SIGLEC6: variants seen among roughly 807,000 people sequenced by gnomAD.
SIGLEC6 encodes sialic acid binding Ig like lectin 6.
A neutral mutation model predicts 41.4 loss-of-function variants in SIGLEC6; 31 were observed. That is an observed-to-expected ratio of 0.75 (90% CI 0.56 to 1.01). SIGLEC6 has a LOEUF of 1.01. Ranked by LOEUF, SIGLEC6 falls within the 50% of genes least tolerant of loss-of-function variation. SIGLEC6 has a pLI of 0.00. For missense variants in SIGLEC6, 555 were observed against 558.6 expected, an observed-to-expected ratio of 0.99 and a Z score of 0.06; for synonymous variants, 217 against 231.0, an observed-to-expected ratio of 0.94 and a Z score of 0.55.
chr19:51,525,860 C>G (rs1427203118), intron 7 of SIGLEC6, among the ~76,000 whole-genome samples: 2 of 152,170 alleles, frequency 1.3e-5, no homozygotes, highest in Non-Finnish European at 2.9e-5. Context: ...GAGCAGCTGG[C>G]AGCCCCTCTG....
At chr19:51,527,922 A>G in intron 6 of SIGLEC6, 94 bp from the exon 7 acceptor site, 3 of 1,227,480 alleles carry the variant, frequency 2.4e-6, no homozygotes, top group Non-Finnish European at 3.5e-6. Context: ...AGAGTACAGA[A>G]GTAATTAAGA....
At chr19:51,529,370 G>T (rs889141398) in intron 5 of SIGLEC6, 3 of 275,040 alleles carry the variant, frequency 1.1e-5, no homozygotes, top group African/African-American at 2.2e-5. Flanking sequence ...TGACCTGGCA[G>T]CAGCTGGGAC....
chr19:51,524,012 G>C (rs919397052), intron 7 of SIGLEC6, among the ~76,000 whole-genome samples: 54 of 151,582 alleles, frequency 3.6e-4, no homozygotes, highest in African/African-American at 1.1e-3. Context: ...GACAGAGTGA[G>C]ACTCCATCTC....
chr19:51,522,636 A>G (rs1349184269), intron 7 of SIGLEC6, among the ~76,000 whole-genome samples: 1 of 145,132 alleles, frequency 6.9e-6, no homozygotes, highest in Non-Finnish European at 1.6e-5. Context: ...CTAACCCACA[A>G]AAAAATTAGC....
Position 51,528,230 on chromosome 19 carries a change from C to T in SIGLEC6, c.1036G>A (p.Gly346Ser), listed in dbSNP as rs1392918100. The T allele has an allele frequency of 1.2e-6, 2 of 1,614,142 alleles. No homozygotes were observed. Among genetic ancestry groups the T allele is most frequent in the Admixed American group, 3.3e-5 (2 of 60,026 alleles). ...VHWKPEGRAG[G>S]VLGAVWGASI... ...GCTCCCCAGACTGCTCCCAGGACAC[C>T]ACCAGCCCTGCCTTCTGGTTTCCCT... is the stretch of plus-strand genomic sequence containing the variant. The change falls in exon 6 of 8, where the codon GGT becomes AGT. Residue 346 changes from glycine (G) to serine (S), a missense_variant. Physicochemically the swap from Gly to Ser is moderately conservative, Grantham distance 56 (BLOSUM62 0). Coordinates refer to ENST00000425629, the MANE Select transcript of SIGLEC6 (RefSeq NM_001245.7).
At chr19:51,526,021 C>T (rs1979169049) in intron 7 of SIGLEC6, among the ~76,000 whole-genome samples, 1 of 152,176 alleles carries the variant, frequency 6.6e-6, no homozygotes, top group Admixed American at 6.5e-5. Context: ...AACCGTTACT[C>T]TTCACCAGGT....
Position 51,518,180 on chromosome 19 carries a change from C to T in SIGLEC6, c.*1902G>A, listed in dbSNP as rs1166469479. ...TTTTCCTTAAAATATCTATATTTCACTTTCAGTCTTAAAATGTGTTTTCAT... is the reference window on the plus strand; with the variant it reads ...TTTTCCTTAAAATATCTATATTTCATTTTCAGTCTTAAAATGTGTTTTCAT... On this transcript the variant is annotated 3_prime_UTR_variant, in exon 8 of 8. Transcript: ENST00000425629. 1.3e-5 allele frequency among the ~76,000 whole-genome samples: 2 copies of T among 152,160 alleles called. No individual in the cohort carries two copies. Among genetic ancestry groups the T allele is most frequent in the Non-Finnish European group, 2.9e-5 (2 of 68,036 alleles).
chr19:51,525,545 G>C (rs944341442), intron 7 of SIGLEC6, among the ~76,000 whole-genome samples: 1 of 152,146 alleles, frequency 6.6e-6, no homozygotes, highest in Non-Finnish European at 1.5e-5. Flanking sequence ...TGGCAGTTCT[G>C]TGTTTCTCTG....
intron 7 of SIGLEC6, among the ~76,000 whole-genome samples, chr19:51,523,583 C>T (rs1978664563): frequency 6.6e-6 from 1 of 152,086 alleles, no homozygotes; most frequent in Non-Finnish European, 1.5e-5. Flanking sequence ...ATTGGACAAC[C>T]CTGCTAGAGG....
chr19:51,522,174 A>G (rs1404173985), intron 7 of SIGLEC6, among the ~76,000 whole-genome samples: 1 of 152,258 alleles, frequency 6.6e-6, no homozygotes, highest in Non-Finnish European at 1.5e-5. Flanking sequence ...TGGAGAAGGA[A>G]CAGCTATGAG....
At chr19:51,527,640 AC>A (rs1979458374) in intron 7 of SIGLEC6, 106 bp downstream of exon 7, 1 of 850,360 alleles carries the variant, frequency 1.2e-6, no homozygotes, top group East Asian at 2.5e-5. Flanking sequence ...CACATGTGGA[AC>A]CGCAGGGAAT....
At position 51,518,559 on chromosome 19, in the gene SIGLEC6, C is replaced by T. The variant is rs553383394; in HGVS notation, c.*1523G>A. ...TTCACCATGTTGGCCAGACCAGTCT[C>T]GAACTCCTGACCTCCAGTGATCCAC... On this transcript the variant is annotated 3_prime_UTR_variant, in exon 8 of 8. Coordinates refer to ENST00000425629, the MANE Select transcript of SIGLEC6 (RefSeq NM_001245.7). Among the ~76,000 whole-genome samples the T allele has an allele frequency of 1.3e-4, 20 of 152,302 alleles. No homozygotes were observed. Among genetic ancestry groups the T allele is most frequent in the East Asian group, 1.2e-3 (6 of 5,186 alleles).
In SIGLEC6 at chr19:51,520,086, T is replaced by C; in HGVS notation, c.1358A>G (p.Lys453Arg). Reference protein sequence around the residue: ...DTEYSEIKIHK With the variant: ...DTEYSEIKIHR The stretch of plus-strand genomic sequence containing the variant: ...GTTATGGCTTTGGACAATTCCTCAC[T>C]TGTGTATCTTGATTTCTGAGTACTC... Residue 453 changes from lysine to arginine, a missense_variant, in exon 8 of 8, where the codon AAG becomes AGG. Transcript: ENST00000425629. The C allele has an allele frequency of 6.4e-7, 1 of 1,563,048 alleles. No homozygotes were observed.
At position 51,531,160 on chromosome 19, in the gene SIGLEC6, C is replaced by T. The variant is rs764341409; in HGVS notation, c.427G>A (p.Ala143Thr). The T allele has an allele frequency of 6.3e-7, 1 of 1,578,932 alleles. No homozygotes were observed. The highest frequency in any genetic ancestry group is 1.2e-5 in the South Asian group (1 of 84,414). The change falls in exon 2 of 8, where the codon GCC becomes ACC. Residue 143 changes from alanine (A) to threonine (T), a missense_variant and splice_region_variant. Physicochemically the swap from Ala to Thr is moderately conservative, Grantham distance 58. Transcript: ENST00000425629. ...GCTAGTCCTGGAGCTGGTTCCTTAC[C>T]CATCACACGCACAGAGAGCTTGGAA... ...TSSKLSVRVM[A>T]LTHRPNISIP...
intron 6 of SIGLEC6, 74 bp downstream of exon 6, chr19:51,528,085 GT>G (rs1979540098): frequency 7.2e-7 from 1 of 1,383,358 alleles, no homozygotes; most frequent in Admixed American, 1.7e-5. Context: ...CTCCACTCAG[GT>G]TTTCTGAGAT....
chr19:51,520,728 G>A (rs1990861630), intron 7 of SIGLEC6, among the ~76,000 whole-genome samples: 1 of 152,148 alleles, frequency 6.6e-6, no homozygotes, highest in Non-Finnish European at 1.5e-5. Flanking sequence ...CCCTTAGTGA[G>A]TGTTTACATT....
Position 51,529,942 on chromosome 19 carries a change from A to T in SIGLEC6, c.794T>A (p.Leu265Gln), listed in dbSNP as rs766414362. ...ILQNTSSLPV[L>Q]EGQALRLLCD... ...GAGCAGCCGCAGAGCCTGGCCCTCC[A>T]GGACAGGGAGGGACGAGGTGTTTTG... Residue 265 changes from leucine to glutamine, a missense_variant, in exon 5 of 8, where the codon CTG (leucine) becomes CAG (glutamine). Leu to Gln is a moderately radical substitution (Grantham distance 113). Transcript: ENST00000425629. The T allele has an allele frequency of 6.2e-7, 1 of 1,608,746 alleles. No homozygotes were observed. The highest frequency in any genetic ancestry group is 1.7e-5 in the Admixed American group (1 of 59,422).
chr19:51,530,665 C>G lies in SIGLEC6; in HGVS notation c.706+16G>C, dbSNP rs749692516. The G allele has an allele frequency of 6.2e-6, 10 of 1,612,728 alleles. No homozygotes were observed. Among genetic ancestry groups the G allele is most frequent in the Non-Finnish European group, 8.5e-6 (10 of 1,179,544 alleles). On this transcript the variant is annotated intron_variant, in intron 3 of 7. Coordinates refer to ENST00000425629, the MANE Select transcript of SIGLEC6 (RefSeq NM_001245.7). The stretch of plus-strand genomic sequence containing the variant: ...CCACACCCTCAGGGACCCGGGCGTC[C>G]TGGCCCAGCACTCACAGGAGACATT...
At chr19:51,530,605 A>G in intron 3 of SIGLEC6, 76 bp downstream of exon 3, 3 of 1,607,886 alleles carry the variant, frequency 1.9e-6, no homozygotes, top group Non-Finnish European at 2.5e-6. Context: ...CCAGGTCCCC[A>G]ACTTTAAGCT....
Sources: gnomAD v4.1 joint callset for allele counts (sites outside exome capture counted in the v4.1 genomes callset) on GRCh38, gnomAD v4.1.1 for gene constraint, MANE v1.5 for transcripts, NCBI Gene and HGNC (gene_info 2026-07-23, HGNC 2026-07-21) for gene names.